Variants in DLGAP2 observed in about 807,000 individuals in gnomAD.
DLGAP2 encodes disks large-associated protein 2.
Under a neutral mutation model 100.3 loss-of-function variants are expected in DLGAP2, and 26 were observed. The observed-to-expected ratio is 0.26, with a 90% CI of 0.19 to 0.36. DLGAP2 has a LOEUF of 0.36. Ranked by LOEUF, DLGAP2 falls within the 10% of genes least tolerant of loss-of-function variation. The pLI, the probability that DLGAP2 is intolerant of heterozygous loss-of-function variation, is 1.00. For missense variants in DLGAP2, 1,858 were observed against 1,453.2 expected (o/e 1.28, Z -4.53); for synonymous variants, 886 against 630.1 (o/e 1.41, Z -6.08).
At chr8:1,382,170 A>T (rs928019809) in intron 3 of DLGAP2, among the ~76,000 whole-genome samples, 1 of 152,238 alleles carries the variant, frequency 6.6e-6, no homozygotes, top group Admixed American at 6.5e-5. Context: ...TGTTTGTTAC[A>T]TGTATTACAT....
chr8:1,492,633 G>C (rs1022911224), intron 3 of DLGAP2, among the ~76,000 whole-genome samples: 2 of 152,212 alleles, frequency 1.3e-5, no homozygotes, highest in African/African-American at 4.8e-5. Flanking sequence ...CCCCCACGAA[G>C]AGGTGCCGTG....
At chr8:1,075,344 G>A (rs1199857510) in intron 2 of DLGAP2, among the ~76,000 whole-genome samples, 1 of 152,164 alleles carries the variant, frequency 6.6e-6, no homozygotes, top group Non-Finnish European at 1.5e-5. Context: ...GCATTGTGGG[G>A]TGCTGGAATC....
intron 3 of DLGAP2, among the ~76,000 whole-genome samples, chr8:1,418,819 C>T (rs902620596): frequency 3.9e-5 from 6 of 152,236 alleles, no homozygotes; most frequent in East Asian, 3.8e-4. Flanking sequence ...GTTAAGGACG[C>T]AGCCCCGCAA....
rs139626825 is a variant in DLGAP2 at position 1,362,601 on chromosome 8, G to A, written c.106+103718G>A. ...CAGTCACCATGGAAAATTCTGACGC[G>A]AGGCCATCTCTCCCCTTAACACCAG... is the stretch of plus-strand genomic sequence containing the variant. On this transcript the variant is annotated intron_variant, in intron 3 of 14. Coordinates refer to ENST00000637795, the MANE Select transcript of DLGAP2 (RefSeq NM_001346810.2). Among the ~76,000 whole-genome samples, 4 of 152,214 alleles carry A rather than the reference G, an allele frequency of 2.6e-5. No homozygotes were observed. The South Asian group carries it at 6.2e-4, about 24-fold the overall frequency.
At chr8:962,150 T>A (rs2129010255) in intron 2 of DLGAP2, among the ~76,000 whole-genome samples, 1 of 152,362 alleles carries the variant, frequency 6.6e-6, no homozygotes, top group Middle Eastern at 3.4e-3. Flanking sequence ...GCTCATTTTC[T>A]TATAATTTGC....
intron 2 of DLGAP2, among the ~76,000 whole-genome samples, chr8:1,199,105 A>C (rs1356683494): frequency 6.6e-6 from 1 of 152,250 alleles, no homozygotes; most frequent in Non-Finnish European, 1.5e-5. Flanking sequence ...AAATAATTAA[A>C]GAGTACTTAA....
intron 3 of DLGAP2, among the ~76,000 whole-genome samples, chr8:1,477,875 G>A (rs150275856): frequency 2.0e-3 from 311 of 152,068 alleles, no homozygotes; most frequent in African/African-American, 7.1e-3. Context: ...TGCCGGTGTC[G>A]GGATGGCAGA....
At chr8:1,238,089 A>G (rs1798703870) in intron 2 of DLGAP2, among the ~76,000 whole-genome samples, 1 of 14,446 alleles carries the variant, frequency 6.9e-5, no homozygotes. Context: ...CGCCGTGTCT[A>G]GTTCTCTCAC....
At chr8:967,775 ATATG>A (rs1341396274) in intron 2 of DLGAP2, among the ~76,000 whole-genome samples, 18 of 37,356 alleles carry the variant, frequency 4.8e-4, no homozygotes, top group African/African-American at 1.2e-3. Flanking sequence ...GTATATATAT[ATATG>A]TATATATATA....
At chr8:1,409,143 T>G (rs964227058) in intron 3 of DLGAP2, among the ~76,000 whole-genome samples, 5 of 88,348 alleles carry the variant, frequency 5.7e-5, no homozygotes, top group Non-Finnish European at 7.8e-5. Flanking sequence ...CCGGCTCCCC[T>G]TGGACCACTG....
intron 3 of DLGAP2, among the ~76,000 whole-genome samples, chr8:1,409,628 G>C (rs573989128): frequency 6.6e-6 from 1 of 152,352 alleles, no homozygotes; most frequent in African/African-American, 2.4e-5. Context: ...ACATTTTCCA[G>C]ATGTGTCTGT....
intron 6 of DLGAP2, among the ~76,000 whole-genome samples, chr8:1,625,972 G>A (rs1376100129): frequency 6.6e-6 from 1 of 151,928 alleles, no homozygotes; most frequent in Admixed American, 6.6e-5. Flanking sequence ...CCTGTGGCGG[G>A]TGCTCAGCCT....
chr8:1,568,396 G>A (rs1332037747), intron 6 of DLGAP2, among the ~76,000 whole-genome samples: 6 of 125,600 alleles, frequency 4.8e-5, no homozygotes, highest in East Asian at 5.2e-4. Flanking sequence ...CACTCTGCCC[G>A]TGGCCCCGAT....
At chr8:769,275 G>T (rs1013426371) in intron 1 of DLGAP2, among the ~76,000 whole-genome samples, 2 of 152,082 alleles carry the variant, frequency 1.3e-5, no homozygotes, top group Admixed American at 1.3e-4. Context: ...GGTCTCAGCA[G>T]GGAAGAAGTA....
At chr8:1,565,008 T>C (rs1802340336) in intron 5 of DLGAP2, among the ~76,000 whole-genome samples, 1 of 152,246 alleles carries the variant, frequency 6.6e-6, no homozygotes, top group African/African-American at 2.4e-5. Flanking sequence ...GCATGGGTGC[T>C]CAGCTCTGTA....
chr8:1,270,427 T>C (rs1197804899), intron 3 of DLGAP2, among the ~76,000 whole-genome samples: 2 of 152,222 alleles, frequency 1.3e-5, no homozygotes, highest in Non-Finnish European at 2.9e-5. Flanking sequence ...TTTGTTTTGC[T>C]TTAAAAATCA....
intron 2 of DLGAP2, among the ~76,000 whole-genome samples, chr8:1,056,986 C>T (rs558394897): frequency 2.9e-4 from 44 of 152,274 alleles, no homozygotes; most frequent in Admixed American, 2.2e-3. Context: ...AGAGACAGAC[C>T]GTGTTCGTTA....
intron 2 of DLGAP2, among the ~76,000 whole-genome samples, chr8:1,108,370 T>C (rs1361486606): frequency 1.3e-5 from 2 of 152,228 alleles, no homozygotes; most frequent in Non-Finnish European, 2.9e-5. Context: ...GGGAGCAGCC[T>C]TCATGCTTGT....
At chr8:777,389 C>G (rs559858531) in intron 1 of DLGAP2, among the ~76,000 whole-genome samples, 1 of 152,010 alleles carries the variant, frequency 6.6e-6, no homozygotes, top group African/African-American at 2.4e-5. Context: ...TTGATCCTGT[C>G]ATCATGATGT....
Sources: gnomAD v4.1 joint callset for allele counts (sites outside exome capture counted in the v4.1 genomes callset) on GRCh38, gnomAD v4.1.1 for gene constraint, MANE v1.5 for transcripts, NCBI Gene and HGNC (gene_info 2026-07-23, HGNC 2026-07-21) for gene names.